OCA2: variants seen among roughly 807,000 people sequenced by gnomAD.
OCA2 encodes P protein.
A neutral mutation model predicts 100.2 loss-of-function variants in OCA2; 77 were observed. The ratio of observed to expected loss-of-function variants is 0.77; its 90% confidence interval spans 0.64 to 0.93. The LOEUF (loss-of-function observed/expected upper bound fraction) is 0.93. OCA2 is among the 40% of genes least tolerant of loss of function. The pLI, the probability that OCA2 is intolerant of heterozygous loss-of-function variation, is 0.00. For synonymous variants in OCA2, 432 were observed against 439.2 expected, an observed-to-expected ratio of 0.98 and a Z score of 0.21; for missense variants, 1,062 against 1,089.1, an observed-to-expected ratio of 0.98 and a Z score of 0.35.
intron 19 of OCA2, among the ~76,000 whole-genome samples, chr15:27,925,506 GA>G (rs1240875524): frequency 6.6e-6 from 1 of 152,104 alleles, no homozygotes; most frequent in Non-Finnish European, 1.5e-5. Context: ...AAATTATATG[GA>G]AAATTAGAAA....
intron 4 of OCA2, among the ~76,000 whole-genome samples, chr15:28,027,417 A>T (rs760656750): frequency 1.3e-5 from 2 of 152,228 alleles, no homozygotes; most frequent in Non-Finnish European, 2.9e-5. Context: ...TGTAAGTTCT[A>T]AAATGTTTCC....
At chr15:27,879,009 C>G (rs912262615) in intron 19 of OCA2, among the ~76,000 whole-genome samples, 1 of 152,094 alleles carries the variant, frequency 6.6e-6, no homozygotes, top group East Asian at 1.9e-4. Flanking sequence ...TCTCCCTCCC[C>G]CTTTTCCCCC....
At chr15:27,978,226 A>G (rs4278697) in intron 14 of OCA2, among the ~76,000 whole-genome samples, 83,145 of 152,062 alleles carry the variant, frequency 0.55, 25,821 homozygotes, top group Non-Finnish European at 0.72. Context: ...AATCCATTTC[A>G]GTTAATGTTT....
At chr15:27,795,513 AG>A (rs1325433298) in intron 23 of OCA2, among the ~76,000 whole-genome samples, 1 of 152,142 alleles carries the variant, frequency 6.6e-6, no homozygotes, top group Non-Finnish European at 1.5e-5. Context: ...TCAGCAGGCA[AG>A]TTGGCACTAC....
At chr15:28,039,053 C>A (rs2043126505) in intron 2 of OCA2, among the ~76,000 whole-genome samples, 4 of 152,108 alleles carry the variant, frequency 2.6e-5, no homozygotes, top group Admixed American at 2.6e-4. Flanking sequence ...AAAACCGTTA[C>A]AAGAGGCAAA....
chr15:27,883,461 C>T lies in OCA2; in HGVS notation c.2080-11539G>A, dbSNP rs753002072. On this transcript the variant is annotated intron_variant, in intron 19 of 23. Coordinates refer to ENST00000354638, the MANE Select transcript of OCA2 (RefSeq NM_000275.3). ...ACCCGGTTAAAACACTCTTTTCTTG[C>T]CAATATCTAAAATTTTAAAATAAAT... 3.9e-5 allele frequency among the ~76,000 whole-genome samples: 6 copies of T among 152,148 alleles called. No individual in the cohort carries two copies. The South Asian group carries it at 6.2e-4, about 16-fold the overall frequency.
the OCA2 span, among the ~76,000 whole-genome samples, chr15:27,740,790 C>T: frequency 2.6e-5 from 4 of 152,290 alleles, no homozygotes; most frequent in Non-Finnish European, 5.9e-5. Flanking sequence ...CTGGGTCGGC[C>T]GAGCCCAAGG....
chr15:28,061,524 A>T (rs1035821985), intron 2 of OCA2, among the ~76,000 whole-genome samples: 2 of 152,190 alleles, frequency 1.3e-5, no homozygotes, highest in Non-Finnish European at 2.9e-5. Context: ...TGTATGGTCC[A>T]TACACAAGAA....
At chr15:27,731,697 T>A in the OCA2 span, among the ~76,000 whole-genome samples, 1 of 152,330 alleles carries the variant, frequency 6.6e-6, no homozygotes, top group Non-Finnish European at 1.5e-5. Context: ...CTCAGCTGAA[T>A]GGGCTTCAGT....
intron 19 of OCA2, among the ~76,000 whole-genome samples, chr15:27,901,506 T>C (rs1026130164): frequency 4.6e-5 from 7 of 152,296 alleles, no homozygotes; most frequent in Middle Eastern, 3.4e-3. Flanking sequence ...GGTCGTGGCC[T>C]CTTTTCTTCA....
intron 14 of OCA2, among the ~76,000 whole-genome samples, chr15:27,971,701 C>T (rs2040798238): frequency 6.6e-6 from 1 of 152,192 alleles, no homozygotes; most frequent in South Asian, 2.1e-4. Context: ...AACTTCCTGT[C>T]GTTTCTGCCC....
At chr15:27,904,364 C>G (rs1306835948) in intron 19 of OCA2, among the ~76,000 whole-genome samples, 5 of 152,160 alleles carry the variant, frequency 3.3e-5, no homozygotes, top group African/African-American at 4.8e-5. Context: ...CCTAAGAGAA[C>G]CAGAAGAGAT....
At chr15:28,019,734 G>C (rs910113474) in intron 6 of OCA2, among the ~76,000 whole-genome samples, 1 of 152,070 alleles carries the variant, frequency 6.6e-6, no homozygotes, top group Admixed American at 6.5e-5. Context: ...ATTGCTGTGG[G>C]CCTTTCCAAC....
intron 2 of OCA2, among the ~76,000 whole-genome samples, chr15:28,039,002 A>G (rs2043124488): frequency 6.6e-6 from 1 of 152,262 alleles, no homozygotes; most frequent in Non-Finnish European, 1.5e-5. Flanking sequence ...CAATGCTAGT[A>G]GTAACCAAAA....
intron 23 of OCA2, among the ~76,000 whole-genome samples, chr15:27,831,442 T>A (rs1000260516): frequency 1.7e-4 from 26 of 152,298 alleles, no homozygotes; most frequent in African/African-American, 6.3e-4. Flanking sequence ...AGGCACAGAC[T>A]ACCCCACCCT....
At chr15:27,989,418 C>T (rs983964110) in intron 11 of OCA2, among the ~76,000 whole-genome samples, 183 bp downstream of exon 11, 9 of 152,170 alleles carry the variant, frequency 5.9e-5, no homozygotes. Context: ...AATTCTCCCG[C>T]CCACGAACCA....
chr15:27,736,934 G>A, the OCA2 span, among the ~76,000 whole-genome samples: 1 of 152,106 alleles, frequency 6.6e-6, no homozygotes, highest in South Asian at 2.1e-4. Context: ...ATACTTCTGT[G>A]GAAAATACAA....
intron 19 of OCA2, among the ~76,000 whole-genome samples, chr15:27,906,444 G>T (rs2038180065): frequency 6.6e-6 from 1 of 152,088 alleles, no homozygotes; most frequent in Non-Finnish European, 1.5e-5. Flanking sequence ...GAATAAAAAT[G>T]AATAAGTAAA....
At chr15:27,828,957 T>C (rs2151304056) in intron 23 of OCA2, among the ~76,000 whole-genome samples, 1 of 152,332 alleles carries the variant, frequency 6.6e-6, no homozygotes, top group Admixed American at 6.5e-5. Context: ...CCACCCTGGC[T>C]GCTAGCTGAG....
Sources: allele counts gnomAD v4.1 joint callset (sites outside exome capture counted in the v4.1 genomes callset), GRCh38; gene constraint gnomAD v4.1.1; transcripts MANE v1.5; gene names NCBI Gene and HGNC (gene_info 2026-07-23, HGNC 2026-07-21).